The following MVB12B variants were observed in gnomAD, a reference collection of about 807,000 sequenced individuals.
MVB12B encodes multivesicular body subunit 12B.
MVB12B carries 16 observed loss-of-function variants against 41.6 expected under a neutral mutation model. The ratio of observed to expected loss-of-function variants is 0.38; its 90% CI spans 0.26 to 0.58. The LOEUF (loss-of-function observed/expected upper bound fraction) is 0.58, where lower values mean the gene tolerates loss of function less well. Ranked by LOEUF, MVB12B falls within the 20% of genes least tolerant of loss-of-function variation. MVB12B has a pLI of 0.62. For synonymous variants in MVB12B, 133 were observed against 139.7 expected (o/e 0.95, Z 0.34); for missense variants, 274 against 380.2 (o/e 0.72, Z 2.32).
Position 126,395,841 on chromosome 9 carries a change from T to A in MVB12B, c.662+144T>A. ...GAAGCAATATATCTTTAGAGGAGAT[T>A]TTTAAAAATCCACTTGGAAATCTTT... On this transcript the variant is annotated intron_variant, in intron 6 of 9. Transcript: ENST00000361171. The surrounding 1 kb of genome is among the most constrained non-coding windows in gnomAD (Gnocchi z 4.9). 1 of 1,448,218 alleles carries A rather than the reference T, an allele frequency of 6.9e-7. No homozygotes were observed. Among genetic ancestry groups the A allele is most frequent in the Non-Finnish European group, 9.1e-7 (1 of 1,101,764 alleles). The allele number at this position is 1,448,218 out of a possible 1,614,324, so 89.7% of individuals were successfully genotyped here.
intron 2 of MVB12B, among the ~76,000 whole-genome samples, chr9:126,365,815 A>G (rs1830164564): frequency 6.6e-6 from 1 of 152,194 alleles, no homozygotes; most frequent in Non-Finnish European, 1.5e-5. Flanking sequence ...GCAGTTATTT[A>G]TTAAGCCCCC....
chr9:126,382,645 G>C (rs1428146547), intron 3 of MVB12B, among the ~76,000 whole-genome samples: 1 of 152,150 alleles, frequency 6.6e-6, no homozygotes, highest in African/African-American at 2.4e-5. Context: ...AGTTAAAAAT[G>C]AGTAGAGGCC....
At chr9:126,341,380 A>G (rs1320679186) in intron 2 of MVB12B, among the ~76,000 whole-genome samples, 2 of 152,250 alleles carry the variant, frequency 1.3e-5, no homozygotes, top group Non-Finnish European at 2.9e-5. Context: ...TTTAATTAAC[A>G]GTGGATATTA....
At chr9:126,446,822 T>A (rs1002540644) in intron 7 of MVB12B, among the ~76,000 whole-genome samples, 2 of 151,922 alleles carry the variant, frequency 1.3e-5, no homozygotes, top group Non-Finnish European at 2.9e-5. Flanking sequence ...CTTGGTTGAT[T>A]TATTTGCTTT....
intron 6 of MVB12B, among the ~76,000 whole-genome samples, chr9:126,398,693 G>A (rs1831187057): frequency 6.6e-6 from 1 of 152,188 alleles, no homozygotes; most frequent in South Asian, 2.1e-4. Context: ...CGGTGGCGGG[G>A]AATGCGGTTC....
intron 7 of MVB12B, among the ~76,000 whole-genome samples, chr9:126,464,306 G>A (rs190311839): frequency 6.6e-6 from 1 of 152,310 alleles, no homozygotes; most frequent in Admixed American, 6.5e-5. Flanking sequence ...CCCACAGCAA[G>A]GAGAAAGGCC....
In MVB12B at chr9:126,335,319, A is replaced by T. The variant is rs1039004302; in HGVS notation, c.82-5189A>T. 34 of 1,304,146 alleles carry T rather than the reference A, an allele frequency of 2.6e-5. No homozygotes were observed. The Admixed American group carries it at 7.8e-4, about 30-fold the overall frequency. The allele number at this position is 1,304,146 out of a possible 1,614,324, so 80.8% of individuals were successfully genotyped here. Reference sequence around the variant, plus strand: ...ACAGTGACAGCCTCTCAGTCTGTGCACTGTCCCCCACGGGTGGCCCCAAAG... The same window carrying T: ...ACAGTGACAGCCTCTCAGTCTGTGCTCTGTCCCCCACGGGTGGCCCCAAAG... On this transcript the variant is annotated intron_variant, in intron 1 of 9. Coordinates refer to ENST00000361171, the MANE Select transcript of MVB12B (RefSeq NM_033446.3).
intron 7 of MVB12B, among the ~76,000 whole-genome samples, chr9:126,457,264 G>T (rs548528139): frequency 1.1e-4 from 16 of 152,258 alleles, no homozygotes; most frequent in African/African-American, 3.9e-4. Context: ...TTGGCTCTTG[G>T]GTGGGATCAG....
intron 9 of MVB12B, among the ~76,000 whole-genome samples, chr9:126,501,300 C>T (rs1236749882): frequency 6.6e-6 from 1 of 152,244 alleles, no homozygotes; most frequent in African/African-American, 2.4e-5. Flanking sequence ...ATCCTCCAGG[C>T]AGGCCTGGAC....
chr9:126,332,314 A>G (rs770073313), intron 1 of MVB12B, among the ~76,000 whole-genome samples: 4 of 152,214 alleles, frequency 2.6e-5, no homozygotes, highest in Admixed American at 1.3e-4. Context: ...TCATTGCTCT[A>G]TCACCCAGCA....
chr9:126,452,342 C>T (rs756407878), intron 7 of MVB12B, among the ~76,000 whole-genome samples: 1 of 152,190 alleles, frequency 6.6e-6, no homozygotes, highest in Non-Finnish European at 1.5e-5. Flanking sequence ...AAGACATGGC[C>T]CTGCCTTGGA....
Position 126,395,816 on chromosome 9 carries a change from G to C in MVB12B, c.662+119G>C. On this transcript the variant is annotated intron_variant, in intron 6 of 9. Coordinates refer to ENST00000361171, the MANE Select transcript of MVB12B (RefSeq NM_033446.3). The surrounding 1 kb of genome is among the most constrained non-coding windows in gnomAD (Gnocchi z 4.9). ...TGCAAAGTACAGCTGAATAATTGTA[G>C]AAGCAATATATCTTTAGAGGAGATT... is the stretch of plus-strand genomic sequence containing the variant. 1 of 1,508,442 alleles carries C rather than the reference G, an allele frequency of 6.6e-7. No homozygotes were observed. Among genetic ancestry groups the C allele is most frequent in the Non-Finnish European group, 8.8e-7 (1 of 1,131,486 alleles). The allele number at this position is 1,508,442 out of a possible 1,614,324, so 93.4% of individuals were successfully genotyped here. A position where few individuals can be genotyped will look rare whatever the true frequency, so the allele number is the denominator to read the frequency against.
chr9:126,395,840 T>G lies in MVB12B; in HGVS notation c.662+143T>G. The G allele has an allele frequency of 6.9e-7, 1 of 1,447,814 alleles. No individual in the cohort carries two copies. The highest frequency in any genetic ancestry group is 1.5e-5 in the South Asian group (1 of 64,616). 89.7% of individuals were successfully genotyped at this position (1,447,814 alleles called of 1,614,324 possible). A position where few individuals can be genotyped will look rare whatever the true frequency, so the allele number is the denominator to read the frequency against. On this transcript the variant is annotated intron_variant, in intron 6 of 9. Coordinates refer to ENST00000361171, the MANE Select transcript of MVB12B (RefSeq NM_033446.3). The surrounding 1 kb of genome is among the most constrained non-coding windows in gnomAD (Gnocchi z 4.9). Reference sequence around the variant, plus strand: ...AGAAGCAATATATCTTTAGAGGAGATTTTTAAAAATCCACTTGGAAATCTT... The same window carrying G: ...AGAAGCAATATATCTTTAGAGGAGAGTTTTAAAAATCCACTTGGAAATCTT...
chr9:126,341,558 T>G (rs897109046), intron 2 of MVB12B, among the ~76,000 whole-genome samples: 10 of 152,348 alleles, frequency 6.6e-5, no homozygotes, highest in African/African-American at 2.4e-4. Flanking sequence ...GAATAGTCTC[T>G]GATGTCCTGC....
intron 6 of MVB12B, among the ~76,000 whole-genome samples, chr9:126,407,759 T>A (rs1281429450): frequency 6.6e-6 from 1 of 151,990 alleles, no homozygotes; most frequent in African/African-American, 2.4e-5. Flanking sequence ...TAAATTGAGA[T>A]TTTTTTTAAC....
chr9:126,433,359 A>C (rs1588168862), intron 7 of MVB12B, among the ~76,000 whole-genome samples: 2 of 145,626 alleles, frequency 1.4e-5, no homozygotes, highest in South Asian at 2.1e-4. Flanking sequence ...GTATCAAAGA[A>C]CCTCTGCCTT....
Position 126,503,351 on chromosome 9 carries a change from G to A in MVB12B, c.*88G>A, listed in dbSNP as rs1588219565. The A allele has an allele frequency of 8.2e-6, 9 of 1,099,516 alleles. No homozygotes were observed. Among genetic ancestry groups the A allele is most frequent in the South Asian group, 4.4e-5 (3 of 68,814 alleles). 68.1% of individuals were successfully genotyped at this position (1,099,516 alleles called of 1,614,324 possible). On this transcript the variant is annotated 3_prime_UTR_variant, in exon 10 of 10. Transcript: ENST00000361171. ...GCCCCCGCCTCCTCCTGCCGCCTCCGCCAGCCCTCCCTCCCACACTGCCCC... is the reference window on the plus strand; with the variant it reads ...GCCCCCGCCTCCTCCTGCCGCCTCCACCAGCCCTCCCTCCCACACTGCCCC...
chr9:126,341,202 G>A (rs146065347), intron 2 of MVB12B, among the ~76,000 whole-genome samples: 99 of 152,330 alleles, frequency 6.5e-4, no homozygotes, highest in Non-Finnish European at 1.2e-3. Context: ...GTCCAGTGCT[G>A]TGGCTGACCA....
intron 7 of MVB12B, among the ~76,000 whole-genome samples, chr9:126,437,969 A>G (rs1014506229): frequency 7.2e-5 from 11 of 152,226 alleles, no homozygotes; most frequent in African/African-American, 2.7e-4. Context: ...CAACACAGTT[A>G]TTCTAATGTA....
Sources: gnomAD v4.1 joint callset for allele counts (sites outside exome capture counted in the v4.1 genomes callset) on GRCh38, gnomAD v4.1.1 for gene constraint, Gnocchi (gnomAD v3.1) non-coding constraint, MANE v1.5 for transcripts, NCBI Gene and HGNC (gene_info 2026-07-23, HGNC 2026-07-21) for gene names.